Variants in DNAJA3 observed in about 807,000 individuals in gnomAD.
DNAJA3 encodes the protein dnaJ homolog subfamily A member 3, mitochondrial.
A neutral mutation model predicts 54.9 loss-of-function variants in DNAJA3; 29 were observed. That is an observed-to-expected ratio of 0.53 (90% CI 0.39 to 0.72). The LOEUF is 0.72. Ranked by LOEUF, DNAJA3 falls within the 30% of genes least tolerant of loss-of-function variation. DNAJA3 has a pLI of 0.00. For synonymous variants in DNAJA3, 302 were observed against 251.4 expected, an observed-to-expected ratio of 1.20 and a Z score of -1.90; for missense variants, 708 against 639.4, an observed-to-expected ratio of 1.11 and a Z score of -1.16.
At chr16:4,429,049 C>G (rs543144671) in intron 1 of DNAJA3, among the ~76,000 whole-genome samples, 1 of 151,794 alleles carries the variant, frequency 6.6e-6, no homozygotes, top group Non-Finnish European at 1.5e-5. Context: ...CAACCGCGCC[C>G]AGCTAATTTT....
chr16:4,446,769 A>G, intron 7 of DNAJA3, 117 bp from the exon 8 acceptor site: 4 of 1,251,506 alleles, frequency 3.2e-6, no homozygotes, highest in Non-Finnish European at 4.5e-6. Context: ...ACTGCACTTT[A>G]TGTATGGAAG....
In DNAJA3 at chr16:4,442,314, A is replaced by G. The variant is rs1314541131; in HGVS notation, c.677A>G (p.Lys226Arg). 7 of 1,606,426 alleles carry G rather than the reference A, an allele frequency of 4.4e-6. No homozygotes were observed. The highest frequency in any genetic ancestry group is 4.5e-5 in the East Asian group (2 of 44,436). ...TFNQAAKGVN[K>R]EFTVNIMDTC... ...AATCAAGCTGCAAAGGGGGTCAACA[A>G]GGAGTTCACCGTGAACATCATGGAC... is the stretch of plus-strand genomic sequence containing the variant. Residue 226 changes from lysine to arginine, a missense_variant, in exon 5 of 12, where the codon AAG (lysine) becomes AGG (arginine). Transcript: ENST00000262375.
At chr16:4,450,636 G>A in intron 10 of DNAJA3, 139 bp downstream of exon 10, 3 of 656,128 alleles carry the variant, frequency 4.6e-6, no homozygotes, top group Middle Eastern at 2.5e-4. Context: ...AAAGAGGGGG[G>A]CTGTGGGCGG....
At chr16:4,436,614 C>T (rs1027009430) in intron 2 of DNAJA3, among the ~76,000 whole-genome samples, 1 of 152,136 alleles carries the variant, frequency 6.6e-6, no homozygotes, top group African/African-American at 2.4e-5. Context: ...TGGCTCACTG[C>T]AACCTCTGTC....
rs758011271 is a variant in DNAJA3, at chr16:4,442,370, G to C, written c.733G>C (p.Glu245Gln). Reference protein sequence around the residue: ...TCERCNGKGNEPGTKVQHCHY... With the variant: ...TCERCNGKGNQPGTKVQHCHY... ...TGAGCGCTGCAACGGCAAGGGGAAC[G>C]AGCCCGGCACCAAGGTGCAGCATTG... is the stretch of plus-strand genomic sequence containing the variant. The change falls in exon 5 of 12, where the codon GAG (glutamate) becomes CAG (glutamine). Residue 245 changes from glutamate to glutamine, a missense_variant. By Grantham distance (29) the Glu-to-Gln change is conservative. Coordinates refer to ENST00000262375, the MANE Select transcript of DNAJA3 (RefSeq NM_005147.6). 2.2e-5 allele frequency: 35 copies of C among 1,609,528 alleles called. No homozygotes were observed. The Admixed American group carries it at 5.5e-4, about 25-fold the overall frequency.
chr16:4,455,183 G>C (rs1035383246), intron 11 of DNAJA3, among the ~76,000 whole-genome samples: 2 of 152,306 alleles, frequency 1.3e-5, no homozygotes, highest in Admixed American at 1.3e-4. Context: ...CTGGGGAGGT[G>C]GCGATGCTGG....
chr16:4,432,463 C>G (rs1044841969), intron 1 of DNAJA3, among the ~76,000 whole-genome samples: 1 of 151,578 alleles, frequency 6.6e-6, no homozygotes, highest in Non-Finnish European at 1.5e-5. Context: ...TTGCTTCAGC[C>G]TCCTTACTAG....
Position 4,456,026 on chromosome 16 carries a change from C to T in DNAJA3, c.*494C>T. The stretch of plus-strand genomic sequence containing the variant: ...CTGGGAGCGTGGGGCCCCCAGGCCC[C>T]ACCAGCACCGTCCTCCCCTAATGAG... On this transcript the variant is annotated 3_prime_UTR_variant, in exon 12 of 12. Transcript: ENST00000262375. 1 of 175,574 alleles carries T rather than the reference C, an allele frequency of 5.7e-6. No individual in the cohort carries two copies. The highest frequency in any genetic ancestry group is 1.4e-4 in the South Asian group (1 of 7,108). 10.9% of individuals were successfully genotyped at this position (175,574 alleles called of 1,614,324 possible).
intron 1 of DNAJA3, chr16:4,427,386 T>G (rs573574460): frequency 6.6e-6 from 1 of 152,362 alleles, no homozygotes; most frequent in African/African-American, 2.4e-5. Flanking sequence ...ACTAACTTCC[T>G]GTTGCAATCC....
At chr16:4,454,769 T>C (rs756939972) in intron 10 of DNAJA3, 42 bp from the exon 11 acceptor site, 2 of 1,475,652 alleles carry the variant, frequency 1.4e-6, no homozygotes, top group Admixed American at 1.7e-5. Context: ...ACTGTGGAAG[T>C]GCAGGCCCAT....
rs760198896 is a variant in DNAJA3, at chr16:4,443,124, A to G, written c.891A>G (p.Gln297=). ...SPCVVCRGAG[Q]AKQKKRVMIP... The stretch of plus-strand genomic sequence containing the variant: ...GTGTGGTCTGCAGGGGAGCAGGACA[A>G]GCCAAGCAGAAAAAGCGAGTGATGA... The change falls in exon 6 of 12, where the codon CAA becomes CAG. Residue 297 remains glutamine (Q), a synonymous_variant. Transcript: ENST00000262375. 4 of 1,613,884 alleles carry G rather than the reference A, an allele frequency of 2.5e-6. No individual in the cohort carries two copies. The African/African-American group carries it at 4.0e-5, about 16-fold the overall frequency.
At chr16:4,426,668 T>G (rs2056627409) in intron 1 of DNAJA3, among the ~76,000 whole-genome samples, 1 of 152,216 alleles carries the variant, frequency 6.6e-6, no homozygotes, top group Non-Finnish European at 1.5e-5. Context: ...TTAGAAGTCT[T>G]TAGTTGGTGA....
At chr16:4,445,311 C>G (rs1221617064) in intron 7 of DNAJA3, among the ~76,000 whole-genome samples, 4 of 152,214 alleles carry the variant, frequency 2.6e-5, no homozygotes, top group African/African-American at 9.7e-5. Context: ...GAGCTGAACT[C>G]AAGGGATGCT....
intron 3 of DNAJA3, chr16:4,440,432 T>C (rs1347194625): frequency 1.3e-5 from 2 of 151,200 alleles, no homozygotes; most frequent in African/African-American, 4.9e-5. Flanking sequence ...CTACTAAAAA[T>C]ACAAAAAAAT....
intron 8 of DNAJA3, 48 bp downstream of exon 8, chr16:4,447,062 T>C (rs147789110): frequency 1.0e-5 from 16 of 1,584,804 alleles, no homozygotes; most frequent in Non-Finnish European, 1.3e-5. Flanking sequence ...TTTATTGCTC[T>C]TTTTCTGAAA....
chr16:4,448,397 G>T lies in DNAJA3; in HGVS notation c.1126-336G>T, dbSNP rs540518960. Among the ~76,000 whole-genome samples the T allele has an allele frequency of 2.0e-5, 3 of 151,982 alleles. No individual in the cohort carries two copies. The South Asian group carries it at 6.2e-4, about 32-fold the overall frequency. On this transcript the variant is annotated intron_variant, in intron 8 of 11. Coordinates refer to ENST00000262375, the MANE Select transcript of DNAJA3 (RefSeq NM_005147.6). ...TTGCTCTGTCAGCCAGAGCTGGAGT[G>T]CAATGGCACAATCTTGGCTCACTGC...
Position 4,442,248 on chromosome 16 carries a change from C to T in DNAJA3, c.631-20C>T. The T allele has an allele frequency of 2.6e-6, 4 of 1,552,894 alleles. No homozygotes were observed. The South Asian group carries it at 3.7e-5, about 14-fold the overall frequency. ...GTCGTTGCAAACAAAAGTTGACAGG[C>T]TGTCCCTTGGTTTCTTTAGTACTTC... is the stretch of plus-strand genomic sequence containing the variant. On this transcript the variant is annotated intron_variant, in intron 4 of 11. Transcript: ENST00000262375.
intron 1 of DNAJA3, chr16:4,430,937 G>C (rs1363772363): frequency 2.6e-5 from 4 of 152,038 alleles, no homozygotes; most frequent in African/African-American, 9.7e-5. Context: ...CTGGCTACTT[G>C]AGAGGCTAAA....
rs754903303 is a variant in DNAJA3 at position 4,448,780 on chromosome 16, A to G, written c.1173A>G (p.Lys391=). 7 of 1,614,150 alleles carry G rather than the reference A, an allele frequency of 4.3e-6. No individual in the cohort carries two copies. Among genetic ancestry groups the G allele is most frequent in the Non-Finnish European group, 5.9e-6 (7 of 1,180,010 alleles). Residue 391 remains lysine (K), a synonymous_variant, in exon 9 of 12, where the codon AAA becomes AAG. Transcript: ENST00000262375. ...QTDQKIRMGG[K]GIPRINSYGY... is the part of the protein sequence containing the mutation. ...ACCAGAAGATTCGGATGGGTGGGAA[A>G]GGCATCCCCCGGATTAACAGCTACG...
Sources: gnomAD v4.1 joint callset for allele counts (sites outside exome capture counted in the v4.1 genomes callset) on GRCh38, gnomAD v4.1.1 for gene constraint, MANE v1.5 for transcripts, NCBI Gene and HGNC (gene_info 2026-07-23, HGNC 2026-07-21) for gene names.